Variants in RASGRP3 observed in about 807,000 individuals in gnomAD.
RASGRP3 encodes RAS guanyl releasing protein 3.
A neutral mutation model predicts 82.7 loss-of-function variants in RASGRP3; 54 were observed. That is an observed-to-expected ratio of 0.65 (90% confidence interval 0.52 to 0.82). The LOEUF (loss-of-function observed/expected upper bound fraction) is 0.82. Ranked by LOEUF, RASGRP3 falls within the 40% of genes least tolerant of loss-of-function variation. RASGRP3 has a pLI of 0.00. For synonymous variants in RASGRP3, 309 were observed against 300.5 expected (o/e 1.03, Z -0.29); for missense variants, 861 against 828.9 (o/e 1.04, Z -0.48).
Position 33,541,124 on chromosome 2 carries a change from A to G in RASGRP3, c.1278+1914A>G, listed in dbSNP as rs1674249163. Among the ~76,000 whole-genome samples the G allele has an allele frequency of 1.4e-5, 2 of 147,326 alleles. 1 individual carries two copies. The highest frequency in any genetic ancestry group is 3.0e-5 in the Non-Finnish European group (2 of 65,786). On this transcript the variant is annotated intron_variant, in intron 12 of 17. Transcript: ENST00000403687. ...ACATGTGTTTGCAGAAAGAACTTACAAATCTTTTTGAAAACCTAATTTTGC... is the reference window on the plus strand; with the variant it reads ...ACATGTGTTTGCAGAAAGAACTTACGAATCTTTTTGAAAACCTAATTTTGC...
chr2:33,525,350 A>G (rs1051302713), intron 9 of RASGRP3, among the ~76,000 whole-genome samples: 10 of 151,300 alleles, frequency 6.6e-5, no homozygotes, highest in Non-Finnish European at 1.5e-4. Flanking sequence ...GAATATATAT[A>G]TATATATTAG....
In RASGRP3 at chr2:33,563,027, T is replaced by C. The variant is rs1018425832; in HGVS notation, c.*290T>C. The C allele has an allele frequency of 2.4e-6, 1 of 415,418 alleles. No homozygotes were observed. Among genetic ancestry groups the C allele is most frequent in the East Asian group, 3.9e-5 (1 of 25,528 alleles). 25.7% of individuals were successfully genotyped at this position (415,418 alleles called of 1,614,324 possible). On this transcript the variant is annotated 3_prime_UTR_variant, in exon 18 of 18. Transcript: ENST00000403687. Reference sequence around the variant, plus strand: ...CATGTATCTTTCTCTAGACCATTTATATACGGGTGAAATGAAAGCTTTTTT... The same window carrying C: ...CATGTATCTTTCTCTAGACCATTTACATACGGGTGAAATGAAAGCTTTTTT...
At chr2:33,501,492 G>A (rs957844568) in intron 1 of RASGRP3, among the ~76,000 whole-genome samples, 1 of 152,184 alleles carries the variant, frequency 6.6e-6, no homozygotes, top group Non-Finnish European at 1.5e-5. Context: ...CAAAGTGACT[G>A]TACCATTTTA....
chr2:33,471,309 A>G (rs575545645), intron 2 of RASGRP3, among the ~76,000 whole-genome samples: 50 of 148,456 alleles, frequency 3.4e-4, no homozygotes, highest in African/African-American at 1.2e-3. Context: ...CCAGGTTGGT[A>G]GGACTATAGG....
At chr2:33,558,102 C>T in intron 15 of RASGRP3, 109 bp from the exon 16 acceptor site, 1 of 1,413,756 alleles carries the variant, frequency 7.1e-7, no homozygotes, top group Non-Finnish European at 9.6e-7. Flanking sequence ...TGAAATTCAA[C>T]ACAGAAACTG....
intron 1 of RASGRP3, among the ~76,000 whole-genome samples, chr2:33,490,002 C>T (rs1382517062): frequency 6.6e-6 from 1 of 152,068 alleles, no homozygotes; most frequent in Non-Finnish European, 1.5e-5. Context: ...TTGATACACT[C>T]TTGCTGCCAA....
At chr2:33,500,664 G>C (rs559705467) in intron 1 of RASGRP3, among the ~76,000 whole-genome samples, 2 of 152,302 alleles carry the variant, frequency 1.3e-5, no homozygotes, top group East Asian at 1.9e-4. Flanking sequence ...AGGTGGGTGC[G>C]GTGGCCCACG....
At chr2:33,529,456 C>T (rs1026502363) in intron 10 of RASGRP3, among the ~76,000 whole-genome samples, 7 of 110,882 alleles carry the variant, frequency 6.3e-5, no homozygotes, top group African/African-American at 2.6e-4. Flanking sequence ...GATGGTGCCA[C>T]TGCACTGGGC....
chr2:33,486,009 A>G (rs975358692), intron 1 of RASGRP3, among the ~76,000 whole-genome samples: 1 of 152,142 alleles, frequency 6.6e-6, no homozygotes, highest in Admixed American at 6.6e-5. Context: ...AGTTTTAGAA[A>G]TTTTTCTCAA....
rs1421891045 is a variant in RASGRP3, at chr2:33,442,101, T to C, written c.-385+5510T>C. Among the ~76,000 whole-genome samples, 7 of 152,262 alleles carry C rather than the reference T, an allele frequency of 4.6e-5. No individual in the cohort carries two copies. In the East Asian group the frequency reaches 1.4e-3, roughly 29 times the overall value. On this transcript the variant is annotated intron_variant, in intron 1 of 18. Coordinates refer to the RASGRP3 transcript ENST00000402538. ...ACCCCATTTGCTTAAAAAATATATA[T>C]GTACATATGAAAAAAGAAGTAAGAG...
chr2:33,447,236 C>G (rs1665550595), intron 1 of RASGRP3, among the ~76,000 whole-genome samples: 1 of 152,020 alleles, frequency 6.6e-6, no homozygotes, highest in Admixed American at 6.6e-5. Context: ...AATCAGGGAC[C>G]TACAAATGAG....
At chr2:33,466,050 T>A (rs1213491949) in intron 2 of RASGRP3, among the ~76,000 whole-genome samples, 1 of 151,982 alleles carries the variant, frequency 6.6e-6, no homozygotes, top group Non-Finnish European at 1.5e-5. Flanking sequence ...CTAGTGTAGA[T>A]GTACAAAGAG....
At chr2:33,473,098 C>T (rs954776804), upstream of RASGRP3, among the ~76,000 whole-genome samples, 8 of 151,932 alleles carry the variant, frequency 5.3e-5, no homozygotes, top group African/African-American at 4.8e-5. Flanking sequence ...GGCAGTGGCT[C>T]ACGCCTGTAA....
chr2:33,556,272 G>A (rs1675948797), intron 15 of RASGRP3, among the ~76,000 whole-genome samples: 1 of 50,062 alleles, frequency 2.0e-5, no homozygotes, highest in Non-Finnish European at 3.1e-5. Flanking sequence ...ACGGAGTCTC[G>A]CTCTGTCGCC....
At chr2:33,560,871 G>T (rs1467096614) in intron 17 of RASGRP3, among the ~76,000 whole-genome samples, 1 of 152,210 alleles carries the variant, frequency 6.6e-6, no homozygotes, top group East Asian at 1.9e-4. Context: ...TAAAAACTGT[G>T]CTTCTGAGTT....
intron 10 of RASGRP3, among the ~76,000 whole-genome samples, chr2:33,528,878 C>T (rs967303041): frequency 2.0e-5 from 3 of 152,170 alleles, no homozygotes; most frequent in African/African-American, 7.2e-5. Context: ...ATCCAAGCAC[C>T]TGCATTTATT....
At chr2:33,440,924 C>T (rs1665190749) in intron 1 of RASGRP3, among the ~76,000 whole-genome samples, 1 of 152,062 alleles carries the variant, frequency 6.6e-6, no homozygotes, top group South Asian at 2.1e-4. Flanking sequence ...ACAAGGTCCC[C>T]CTCTATCACC....
chr2:33,548,381 A>AAAAAAAG (rs764069871), intron 13 of RASGRP3, among the ~76,000 whole-genome samples: 1,621 of 127,790 alleles, frequency 0.013, 75 homozygotes, highest in Non-Finnish European at 0.02. Context: ...AAAAAAAAAA[A>AAAAAAAG]AAGAAGGTAG....
At chr2:33,500,969 A>G (rs1669819637) in intron 1 of RASGRP3, among the ~76,000 whole-genome samples, 1 of 152,172 alleles carries the variant, frequency 6.6e-6, no homozygotes, top group Admixed American at 6.5e-5. Flanking sequence ...GCACAGTTCA[A>G]TGGTATTTAG....
Sources: gnomAD v4.1 joint callset for allele counts (sites outside exome capture counted in the v4.1 genomes callset) on GRCh38, gnomAD v4.1.1 for gene constraint, MANE v1.5 for transcripts, NCBI Gene and HGNC (gene_info 2026-07-23, HGNC 2026-07-21) for gene names.